Variants in STAT4 observed in about 807,000 individuals in gnomAD.
STAT4 encodes signal transducer and activator of transcription 4.
In STAT4, 42 loss-of-function variants were observed where a neutral mutation model predicts 110.5. That is an observed-to-expected ratio of 0.38 (90% confidence interval 0.30 to 0.49). STAT4 has a LOEUF of 0.49. Ranked by LOEUF, STAT4 falls within the 20% of genes least tolerant of loss-of-function variation. The pLI, the probability that STAT4 is intolerant of heterozygous loss-of-function variation, is 0.95. For missense variants in STAT4, 632 were observed against 887.9 expected, an observed-to-expected ratio of 0.71 and a Z score of 3.66; for synonymous variants, 284 against 302.2, an observed-to-expected ratio of 0.94 and a Z score of 0.63.
At position 191,099,711 on chromosome 2, in the gene STAT4, A is replaced by T. The variant is rs1698105575; in HGVS notation, c.274-23386T>A. Reference sequence around the variant, plus strand: ...TATTTAATTAGGTAAACATAGATACACATATGGAAAGGTTCACACTTGACT... The same window carrying T: ...TATTTAATTAGGTAAACATAGATACTCATATGGAAAGGTTCACACTTGACT... On this transcript the variant is annotated intron_variant, in intron 3 of 23. Transcript: ENST00000392320. This position sits in a 1 kb window ranked among gnomAD's most constrained non-coding sequence, Gnocchi z 4.1. 6.6e-6 allele frequency among the ~76,000 whole-genome samples: 1 copy of T among 152,118 alleles called. No homozygotes were observed. The highest frequency in any genetic ancestry group is 1.5e-5 in the Non-Finnish European group (1 of 67,986).
rs918393159 is a variant in STAT4, at chr2:191,032,527, G to A, written c.2044+431C>T. Among the ~76,000 whole-genome samples the A allele has an allele frequency of 6.6e-6, 1 of 152,070 alleles. No individual in the cohort carries two copies. Among genetic ancestry groups the A allele is most frequent in the Non-Finnish European group, 1.5e-5 (1 of 68,006 alleles). On this transcript the variant is annotated intron_variant, in intron 21 of 23. Transcript: ENST00000392320. The surrounding 1 kb of genome is among the most constrained non-coding windows in gnomAD (Gnocchi z 4.9). ...ACCCTGAGTTGTAAGACTACAGTAA[G>A]GTTAAAAATATAAAACTTATAAACC...
At chr2:191,102,569 C>G (rs1352222407) in intron 3 of STAT4, among the ~76,000 whole-genome samples, 1 of 152,168 alleles carries the variant, frequency 6.6e-6, no homozygotes, top group Non-Finnish European at 1.5e-5. Context: ...GCTTTATGCA[C>G]AGTTCCCACT....
chr2:191,048,825 C>T (rs890713702), intron 14 of STAT4, among the ~76,000 whole-genome samples: 1 of 137,142 alleles, frequency 7.3e-6, no homozygotes, highest in Non-Finnish European at 1.6e-5. Context: ...AAAAGATGCA[C>T]CATTAATGTT....
rs767309779 is a variant in STAT4 at position 191,142,602 on chromosome 2, T to C, written c.273+4011A>G. Among the ~76,000 whole-genome samples, 3 of 152,196 alleles carry C rather than the reference T, an allele frequency of 2.0e-5. No homozygotes were observed. The highest frequency in any genetic ancestry group is 7.2e-5 in the African/African-American group (3 of 41,452). Reference sequence around the variant, plus strand: ...GTATATTTCAGAGTAGCTAGAAGAATGGGTTTGAAATGTTTCCAACATAGA... The same window carrying C: ...GTATATTTCAGAGTAGCTAGAAGAACGGGTTTGAAATGTTTCCAACATAGA... On this transcript the variant is annotated intron_variant, in intron 3 of 23. Transcript: ENST00000392320. The surrounding 1 kb of genome is among the most constrained non-coding windows in gnomAD (Gnocchi z 4.1).
Position 191,107,771 on chromosome 2 carries a change from G to T in STAT4, c.274-31446C>A, listed in dbSNP as rs1304536198. ...CAGATTACTACCATACCTTCCTGAT[G>T]TCCTAACGTATGGTCACAGGAAGAG... On this transcript the variant is annotated intron_variant, in intron 3 of 23. Transcript: ENST00000392320. The surrounding 1 kb of genome is among the most constrained non-coding windows in gnomAD (Gnocchi z 4.2). Among the ~76,000 whole-genome samples the T allele has an allele frequency of 6.6e-6, 1 of 152,178 alleles. No homozygotes were observed. Among genetic ancestry groups the T allele is most frequent in the Non-Finnish European group, 1.5e-5 (1 of 68,040 alleles).
At position 191,104,250 on chromosome 2, in the gene STAT4, T is replaced by C. The variant is rs1213173004; in HGVS notation, c.274-27925A>G. ...CCTTCTTCATTTTCCAAATTTCTTGTAATTAATTTGCATTACTCGTATAAT... is the reference window on the plus strand; with the variant it reads ...CCTTCTTCATTTTCCAAATTTCTTGCAATTAATTTGCATTACTCGTATAAT... On this transcript the variant is annotated intron_variant, in intron 3 of 23. Transcript: ENST00000392320. This position sits in a 1 kb window ranked among gnomAD's most constrained non-coding sequence, Gnocchi z 4.3. Among the ~76,000 whole-genome samples, 2 of 152,210 alleles carry C rather than the reference T, an allele frequency of 1.3e-5. No individual in the cohort carries two copies. The highest frequency in any genetic ancestry group is 2.4e-5 in the African/African-American group (1 of 41,468).
chr2:191,103,242 C>T (rs1036201728), intron 3 of STAT4, among the ~76,000 whole-genome samples: 2 of 152,098 alleles, frequency 1.3e-5, no homozygotes, highest in Non-Finnish European at 2.9e-5. Context: ...AGGTCCCAGG[C>T]ATGTGTCTTT....
intron 3 of STAT4, among the ~76,000 whole-genome samples, chr2:191,092,047 T>C (rs1324000572): frequency 1.3e-5 from 2 of 152,208 alleles, no homozygotes; most frequent in Non-Finnish European, 2.9e-5. Context: ...AAAGTGCTTA[T>C]TTTTTAAAAT....
Position 191,117,158 on chromosome 2 carries a change from G to A in STAT4, c.273+29455C>T, listed in dbSNP as rs895023394. Among the ~76,000 whole-genome samples, 1 of 152,116 alleles carries A rather than the reference G, an allele frequency of 6.6e-6. No individual in the cohort carries two copies. Among genetic ancestry groups the A allele is most frequent in the East Asian group, 1.9e-4 (1 of 5,194 alleles). ...GGCAATGTTGAGAACACTGAGTGTG[G>A]GGTATTCTTTCCCAAACTTGTCTGA... On this transcript the variant is annotated intron_variant, in intron 3 of 23. Coordinates refer to ENST00000392320, the MANE Select transcript of STAT4 (RefSeq NM_003151.4). The surrounding 1 kb of genome is among the most constrained non-coding windows in gnomAD (Gnocchi z 5.2).
intron 14 of STAT4, among the ~76,000 whole-genome samples, chr2:191,052,518 T>G (rs1696557651): frequency 1.3e-5 from 2 of 152,218 alleles, no homozygotes; most frequent in South Asian, 4.1e-4. Context: ...ACACAGTGGT[T>G]GGTTTTTCTA....
In STAT4 at chr2:191,046,411, C is replaced by T. The variant is rs6735781; in HGVS notation, c.1252-5263G>A. Among the ~76,000 whole-genome samples, 11 of 152,094 alleles carry T rather than the reference C, an allele frequency of 7.2e-5. No homozygotes were observed. The highest frequency in any genetic ancestry group is 1.3e-4 in the Admixed American group (2 of 15,270). On this transcript the variant is annotated intron_variant, in intron 14 of 23. Coordinates refer to ENST00000392320, the MANE Select transcript of STAT4 (RefSeq NM_003151.4). This position sits in a 1 kb window ranked among gnomAD's most constrained non-coding sequence, Gnocchi z 4.6. ...TTGCTTCTACCTCTGTGAAGGGCCT[C>T]GCATGACCAGTGTGGCCTCTAGGTC...
In STAT4 at chr2:191,061,938, T is replaced by C; in HGVS notation, c.942-117A>G. The C allele has an allele frequency of 2.4e-6, 2 of 821,750 alleles. No individual in the cohort carries two copies. Among genetic ancestry groups the C allele is most frequent in the Non-Finnish European group, 4.0e-6 (2 of 494,978 alleles). 50.9% of individuals were successfully genotyped at this position (821,750 alleles called of 1,614,324 possible). A position where few individuals can be genotyped will look rare whatever the true frequency, so the allele number is the denominator to read the frequency against. ...GTCCAAATTTTCTACACTTAGAAGATATTCAAACCCCCAATTAAACTCAAA... is the reference window on the plus strand; with the variant it reads ...GTCCAAATTTTCTACACTTAGAAGACATTCAAACCCCCAATTAAACTCAAA... On this transcript the variant is annotated intron_variant, in intron 9 of 23. Coordinates refer to ENST00000392320, the MANE Select transcript of STAT4 (RefSeq NM_003151.4). The surrounding 1 kb of genome is among the most constrained non-coding windows in gnomAD (Gnocchi z 6.2).
In STAT4 at chr2:191,033,883, C is replaced by A; in HGVS notation, c.1715+28G>T. 6.6e-7 allele frequency: 1 copy of A among 1,523,130 alleles called. No homozygotes were observed. The highest frequency in any genetic ancestry group is 1.2e-5 in the South Asian group (1 of 83,118). 94.4% of individuals were successfully genotyped at this position (1,523,130 alleles called of 1,614,324 possible). A position where few individuals can be genotyped will look rare whatever the true frequency, so the allele number is the denominator to read the frequency against. On this transcript the variant is annotated intron_variant, in intron 19 of 23. Transcript: ENST00000392320. The surrounding 1 kb of genome is among the most constrained non-coding windows in gnomAD (Gnocchi z 6.9). ...ACAGAAAAAAAGAACATAATTAACT[C>A]ATATGAAAAATATAGCCTATAACTT...
At chr2:191,120,985 A>G (rs1284364759) in intron 3 of STAT4, among the ~76,000 whole-genome samples, 1 of 152,214 alleles carries the variant, frequency 6.6e-6, no homozygotes, top group Non-Finnish European at 1.5e-5. Context: ...TGAACAGGCA[A>G]CCTACAGAGT....
At chr2:191,118,783 G>A (rs1473987808) in intron 3 of STAT4, among the ~76,000 whole-genome samples, 1 of 151,916 alleles carries the variant, frequency 6.6e-6, no homozygotes, top group East Asian at 1.9e-4. Flanking sequence ...TTTTGAGTTG[G>A]GGTCTCACTC....
rs1254685925 is a variant in STAT4 at position 191,142,623 on chromosome 2, A to G, written c.273+3990T>C. 1.3e-5 allele frequency among the ~76,000 whole-genome samples: 2 copies of G among 152,244 alleles called. No individual in the cohort carries two copies. Among genetic ancestry groups the G allele is most frequent in the Admixed American group, 6.5e-5 (1 of 15,286 alleles). On this transcript the variant is annotated intron_variant, in intron 3 of 23. Transcript: ENST00000392320. This position sits in a 1 kb window ranked among gnomAD's most constrained non-coding sequence, Gnocchi z 4.1. ...AGAATGGGTTTGAAATGTTTCCAAC[A>G]TAGAAATGATAAATTCAAAGATGAT...
Position 191,053,664 on chromosome 2 carries a change from A to C in STAT4, c.1251+826T>G, listed in dbSNP as rs1303557748. On this transcript the variant is annotated intron_variant, in intron 14 of 23. Coordinates refer to ENST00000392320, the MANE Select transcript of STAT4 (RefSeq NM_003151.4). This position sits in a 1 kb window ranked among gnomAD's most constrained non-coding sequence, Gnocchi z 4.5. Reference sequence around the variant, plus strand: ...GGTTGTTTTTTACCCCACATATCATAATTTTTCAGCCTGACTTCATATATG... The same window carrying C: ...GGTTGTTTTTTACCCCACATATCATCATTTTTCAGCCTGACTTCATATATG... 6.6e-6 allele frequency among the ~76,000 whole-genome samples: 1 copy of C among 152,204 alleles called. No individual in the cohort carries two copies. The highest frequency in any genetic ancestry group is 1.5e-5 in the Non-Finnish European group (1 of 68,044).
At chr2:191,136,036 A>AAAAAAAAAAAAT (rs1699174743) in intron 3 of STAT4, among the ~76,000 whole-genome samples, 1 of 151,888 alleles carries the variant, frequency 6.6e-6, no homozygotes, top group African/African-American at 2.4e-5. Flanking sequence ...AAAAACAAAA[A>AAAAAAAAAAAAT]ACCAATGTGA....
rs1272573584 is a variant in STAT4, at chr2:191,042,795, T to G, written c.1252-1647A>C. 6.6e-6 allele frequency among the ~76,000 whole-genome samples: 1 copy of G among 152,154 alleles called. No individual in the cohort carries two copies. Among genetic ancestry groups the G allele is most frequent in the East Asian group, 1.9e-4 (1 of 5,196 alleles). ...ATTCTCTCTTTTTTTTTTTTCTTTTTTGAGATGCAGTTTTGCTCTTGTTGC... is the reference window on the plus strand; with the variant it reads ...ATTCTCTCTTTTTTTTTTTTCTTTTGTGAGATGCAGTTTTGCTCTTGTTGC... On this transcript the variant is annotated intron_variant, in intron 14 of 23. Coordinates refer to ENST00000392320, the MANE Select transcript of STAT4 (RefSeq NM_003151.4). The surrounding 1 kb of genome is among the most constrained non-coding windows in gnomAD (Gnocchi z 4.2).
Sources: allele counts gnomAD v4.1 joint callset (sites outside exome capture counted in the v4.1 genomes callset), GRCh38; gene constraint gnomAD v4.1.1; non-coding constraint Gnocchi (gnomAD v3.1); transcripts MANE v1.5; gene names NCBI Gene and HGNC (gene_info 2026-07-23, HGNC 2026-07-21).